The following PANX1 variants were observed in gnomAD, a reference collection of about 807,000 sequenced individuals.
PANX1 encodes pannexin 1.
In PANX1, 30 loss-of-function variants were observed where a neutral mutation model predicts 38.7. That is an observed-to-expected ratio of 0.78 (90% CI 0.58 to 1.05). The LOEUF is 1.05. Ranked by LOEUF, PANX1 falls within the 50% of genes least tolerant of loss-of-function variation. The pLI, the probability that PANX1 is intolerant of heterozygous loss-of-function variation, is 0.00. For synonymous variants in PANX1, 230 were observed against 212.2 expected (o/e 1.08, Z -0.73); for missense variants, 551 against 517.2 (o/e 1.07, Z -0.63).
chr11:94,148,844 C>G (rs1012275207), intron 1 of PANX1, among the ~76,000 whole-genome samples: 1 of 152,126 alleles, frequency 6.6e-6, no homozygotes, highest in African/African-American at 2.4e-5. Flanking sequence ...AGAACAACCC[C>G]AGGATTTTCT....
chr11:94,164,706 CA>C (rs1947083564), intron 2 of PANX1, among the ~76,000 whole-genome samples: 1 of 152,186 alleles, frequency 6.6e-6, no homozygotes, highest in Non-Finnish European at 1.5e-5. Context: ...ATTTGGCCTA[CA>C]GTGTAGCTTG....
At chr11:94,155,765 G>C (rs914541454) in intron 2 of PANX1, among the ~76,000 whole-genome samples, 2 of 152,128 alleles carry the variant, frequency 1.3e-5, no homozygotes, top group Non-Finnish European at 2.9e-5. Context: ...AGCGTCAACT[G>C]TACTGCTTGC....
intron 2 of PANX1, among the ~76,000 whole-genome samples, chr11:94,172,869 A>C (rs901642956): frequency 5.9e-5 from 9 of 151,646 alleles, no homozygotes; most frequent in African/African-American, 2.2e-4. Flanking sequence ...TCCTTCTGTG[A>C]ACAGATACTT....
chr11:94,145,468 G>C (rs1214577321), intron 1 of PANX1, among the ~76,000 whole-genome samples: 1 of 152,212 alleles, frequency 6.6e-6, no homozygotes, highest in Non-Finnish European at 1.5e-5. Flanking sequence ...TTGTATAGCA[G>C]AGATATTTGG....
chr11:94,165,687 G>C (rs1383108182), intron 2 of PANX1, among the ~76,000 whole-genome samples: 4 of 152,132 alleles, frequency 2.6e-5, no homozygotes, highest in African/African-American at 9.7e-5. Flanking sequence ...AAGGCAGGCA[G>C]ATCACATGAG....
intron 1 of PANX1, among the ~76,000 whole-genome samples, chr11:94,150,014 C>T (rs566215333): frequency 6.6e-6 from 1 of 151,716 alleles, no homozygotes; most frequent in Admixed American, 6.6e-5. Flanking sequence ...CTGCACATCT[C>T]TGATTTAAAG....
intron 2 of PANX1, among the ~76,000 whole-genome samples, chr11:94,161,887 A>G (rs182219530): frequency 5.3e-5 from 8 of 152,190 alleles, no homozygotes; most frequent in Non-Finnish European, 8.8e-5. Context: ...TGATGTACAG[A>G]TGGAATTTTG....
At chr11:94,170,937 A>G (rs554023407) in intron 2 of PANX1, among the ~76,000 whole-genome samples, 1 of 151,428 alleles carries the variant, frequency 6.6e-6, no homozygotes, top group East Asian at 1.9e-4. Context: ...CAGCGTGCTC[A>G]TGGACTTGCG....
chr11:94,130,862 A>G (rs892538082), intron 1 of PANX1, among the ~76,000 whole-genome samples: 3 of 152,210 alleles, frequency 2.0e-5, no homozygotes, highest in Admixed American at 6.5e-5. Context: ...AAGAATGACT[A>G]TGAGTGTGAT....
chr11:94,154,840 T>C (rs1397889100), intron 2 of PANX1, among the ~76,000 whole-genome samples: 2 of 152,266 alleles, frequency 1.3e-5, no homozygotes. Flanking sequence ...TATTATATAC[T>C]GTATTCTTAC....
At chr11:94,138,384 G>A (rs1484076037) in intron 1 of PANX1, among the ~76,000 whole-genome samples, 19 of 152,072 alleles carry the variant, frequency 1.2e-4, no homozygotes. Flanking sequence ...GGGGATGTTG[G>A]TTTCTCAATG....
At position 94,144,970 on chromosome 11, in the gene PANX1, C is replaced by T. The variant is rs1014946730; in HGVS notation, c.182-8521C>T. ...TCTTATAGTAGTATTCAGTAAATAC[C>T]GTCTCCCCCTGATTCTGTGATGGAA... On this transcript the variant is annotated intron_variant, in intron 1 of 4. Transcript: ENST00000227638. Among the ~76,000 whole-genome samples, 5 of 151,994 alleles carry T rather than the reference C, an allele frequency of 3.3e-5. No individual in the cohort carries two copies. In the South Asian group the frequency reaches 8.3e-4, roughly 25 times the overall value.
chr11:94,152,164 C>A (rs1043264212), intron 1 of PANX1, among the ~76,000 whole-genome samples: 1 of 152,154 alleles, frequency 6.6e-6, no homozygotes, highest in Non-Finnish European at 1.5e-5. Flanking sequence ...GTCTTTAAGG[C>A]AATATGAGAA....
In PANX1 at chr11:94,179,632, G is replaced by C; in HGVS notation, c.576G>C (p.Lys192Asn). 1 of 1,613,632 alleles carries C rather than the reference G, an allele frequency of 6.2e-7. No homozygotes were observed. The highest frequency in any genetic ancestry group is 8.5e-7 in the Non-Finnish European group (1 of 1,179,774). ...SLWEVSESHF[K>N]YPIVEQYLKT... is the part of the protein sequence containing the mutation. ...GGGAGGTATCTGAAAGCCACTTCAAGTACCCAATTGTGGAGCAGTACTTGA... is the reference window on the plus strand; with the variant it reads ...GGGAGGTATCTGAAAGCCACTTCAACTACCCAATTGTGGAGCAGTACTTGA... Residue 192 changes from lysine (K) to asparagine (N), a missense_variant, in exon 4 of 5, where the codon AAG becomes AAC. Transcript: ENST00000227638.
chr11:94,178,477 G>T lies in PANX1; in HGVS notation c.430G>T (p.Glu144Ter). Residue 144 changes from glutamate to a stop codon, truncating the protein, a stop_gained, in exon 3 of 5, where the codon GAA (glutamate) becomes TAA (stop). Transcript: ENST00000227638. LOFTEE classifies it high-confidence loss of function. ...TTGCTCAGACTTGAAGTTTATCATG[G>T]AAGAACTTGACAAAGTTTACAACCG... ...HICSDLKFIM[E>*]ELDKVYNRAI... 1 of 1,614,108 alleles carries T rather than the reference G, an allele frequency of 6.2e-7. No individual in the cohort carries two copies. Among genetic ancestry groups the T allele is most frequent in the Non-Finnish European group, 8.5e-7 (1 of 1,179,998 alleles).
At chr11:94,178,091 T>A (rs1288833544) in intron 2 of PANX1, among the ~76,000 whole-genome samples, 1 of 152,162 alleles carries the variant, frequency 6.6e-6, no homozygotes, top group Non-Finnish European at 1.5e-5. Context: ...ATTTTTTTAT[T>A]TTCCTTCTGT....
chr11:94,156,378 T>G (rs960599717), intron 2 of PANX1, among the ~76,000 whole-genome samples: 9 of 152,204 alleles, frequency 5.9e-5, no homozygotes, highest in Non-Finnish European at 1.2e-4. Context: ...GAGGTTTATC[T>G]AAGTTTCTCA....
rs952255340 is a variant in PANX1 at position 94,131,144 on chromosome 11, AGAGGCAT to A, written c.181+1654_181+1660del. Among the ~76,000 whole-genome samples the A allele has an allele frequency of 1.6e-3, 238 of 152,188 alleles. 1 individual carries two copies. Among genetic ancestry groups the A allele is most frequent in the East Asian group, 1.2e-3 (6 of 5,150 alleles). ...TGACCTCCAAGGACCCGGGAGTAAAAGAGGCATGATCCCTGTCTTGGAGGTGCAAGTC... is the reference window on the plus strand; with the variant it reads ...TGACCTCCAAGGACCCGGGAGTAAAAGATCCCTGTCTTGGAGGTGCAAGTC... On this transcript the variant is annotated intron_variant, in intron 1 of 4. Coordinates refer to ENST00000227638, the MANE Select transcript of PANX1 (RefSeq NM_015368.4).
In PANX1 at chr11:94,178,422, G is replaced by T. The variant is rs1947260475; in HGVS notation, c.375G>T (p.Leu125=). Residue 125 remains leucine (L), a synonymous_variant, in exon 3 of 5, where the codon CTG becomes CTT. Transcript: ENST00000227638. ...CGATCCTCCTGTACCTGCCCCCGCT[G>T]TTCTGGCGTTTCGCAGCTGCTCCTC... ...LFAILLYLPP[L]FWRFAAAPHI... The T allele has an allele frequency of 6.2e-7, 1 of 1,614,118 alleles. No homozygotes were observed. Among genetic ancestry groups the T allele is most frequent in the East Asian group, 2.2e-5 (1 of 44,878 alleles).
Sources: allele counts gnomAD v4.1 joint callset (sites outside exome capture counted in the v4.1 genomes callset), GRCh38; gene constraint gnomAD v4.1.1; transcripts MANE v1.5; gene names NCBI Gene and HGNC (gene_info 2026-07-23, HGNC 2026-07-21).